C14orf93: variants seen among roughly 807,000 people sequenced by gnomAD.
C14orf93 encodes chromosome 14 open reading frame 93.
In C14orf93, 23 loss-of-function variants were observed where a neutral mutation model predicts 44.0. That is an observed-to-expected ratio of 0.52 (90% CI 0.38 to 0.74). The LOEUF (loss-of-function observed/expected upper bound fraction) is 0.74. C14orf93 is among the 30% of genes least tolerant of loss of function. The probability of loss-of-function intolerance (pLI) is 0.00; values close to 1 mark genes in which losing one functional copy is unlikely to be tolerated. For missense variants in C14orf93, 579 were observed against 678.9 expected, an observed-to-expected ratio of 0.85 and a Z score of 1.64; for synonymous variants, 253 against 265.7, an observed-to-expected ratio of 0.95 and a Z score of 0.46.
chr14:22,996,555 A>T lies in C14orf93; in HGVS notation c.598-287T>A, dbSNP rs2045984517. On this transcript the variant is annotated intron_variant, in intron 2 of 6. Transcript: ENST00000299088. The surrounding 1 kb of genome is among the most constrained non-coding windows in gnomAD (Gnocchi z 4.1). ...ATAGTCATTTATGGATAGCTCTTGG[A>T]TATAAGAAATGGAGCTAGATAAGTG... Among the ~76,000 whole-genome samples the T allele has an allele frequency of 6.6e-6, 1 of 152,204 alleles. No homozygotes were observed. Among genetic ancestry groups the T allele is most frequent in the Admixed American group, 6.5e-5 (1 of 15,278 alleles).
At chr14:22,991,534 C>T (rs906930693) in intron 3 of C14orf93, among the ~76,000 whole-genome samples, 1 of 151,372 alleles carries the variant, frequency 6.6e-6, no homozygotes, top group African/African-American at 2.4e-5. Flanking sequence ...TGTGAGCCAC[C>T]GCACCGGGCC....
In C14orf93 at chr14:22,987,572, A is replaced by C; in HGVS notation, c.1260T>G (p.Asn420Lys). The change falls in exon 7 of 7, where the codon AAT (asparagine) becomes AAG (lysine). Residue 420 changes from asparagine (N) to lysine (K), a missense_variant. Asn to Lys is a moderately conservative substitution (Grantham distance 94, BLOSUM62 0). Transcript: ENST00000299088. This position sits in a 1 kb window ranked among gnomAD's most constrained non-coding sequence, Gnocchi z 5.6. Reference sequence around the variant, plus strand: ...CTGACATCAGTTCCTCTGTCACATCATTCCACAGACGTTGGTCCTCAGGTC... The same window carrying C: ...CTGACATCAGTTCCTCTGTCACATCCTTCCACAGACGTTGGTCCTCAGGTC... Reference protein sequence around the residue: ...HFGPEDQRLWNDVTEELMSDE... With the variant: ...HFGPEDQRLWKDVTEELMSDE... The C allele has an allele frequency of 6.2e-7, 1 of 1,613,830 alleles. No homozygotes were observed. Among genetic ancestry groups the C allele is most frequent in the Non-Finnish European group, 8.5e-7 (1 of 1,179,816 alleles).
intron 5 of C14orf93, among the ~76,000 whole-genome samples, chr14:22,989,302 C>G (rs1355537031): frequency 6.6e-6 from 1 of 152,118 alleles, no homozygotes; most frequent in Admixed American, 6.6e-5. Context: ...TCTACAAGTA[C>G]TTTTTCAGCA....
chr14:22,994,877 A>T (rs368753916), intron 3 of C14orf93, among the ~76,000 whole-genome samples: 53 of 152,198 alleles, frequency 3.5e-4, no homozygotes, highest in African/African-American at 1.2e-3. Flanking sequence ...GCACTGCAGG[A>T]TGTTTAGCAG....
At chr14:22,995,223 C>G (rs28401275) in intron 3 of C14orf93, among the ~76,000 whole-genome samples, 7,926 of 152,302 alleles carry the variant, frequency 0.052, 679 homozygotes, top group African/African-American at 0.18. Flanking sequence ...CTCTGCATCT[C>G]TGAAGCTTGA....
chr14:22,988,297 C>G (rs2045367170), intron 5 of C14orf93, among the ~76,000 whole-genome samples: 1 of 152,042 alleles, frequency 6.6e-6, no homozygotes, highest in Non-Finnish European at 1.5e-5. Flanking sequence ...CCACATCCAG[C>G]TCTTTTTAGT....
Position 22,986,434 on chromosome 14 carries a change from A to C in C14orf93, c.*781T>G, listed in dbSNP as rs1009278213. 2 of 152,318 alleles carry C rather than the reference A, an allele frequency of 1.3e-5. No individual in the cohort carries two copies. Among genetic ancestry groups the C allele is most frequent in the Non-Finnish European group, 2.9e-5 (2 of 68,132 alleles). 9.4% of individuals were successfully genotyped at this position (152,318 alleles called of 1,614,324 possible). On this transcript the variant is annotated 3_prime_UTR_variant, in exon 7 of 7. Transcript: ENST00000299088. The stretch of plus-strand genomic sequence containing the variant: ...TCAATGTTTGTTATAAGACTGAATA[A>C]ATGTAAAGCCATTTTTGCTTTTCAA...
At chr14:23,003,255 C>A (rs2046399525) in intron 1 of C14orf93, among the ~76,000 whole-genome samples, 1 of 152,182 alleles carries the variant, frequency 6.6e-6, no homozygotes, top group Non-Finnish European at 1.5e-5. Flanking sequence ...ACAGTGTGGT[C>A]TAGCACAATG....
rs548184242 is a variant in C14orf93, at chr14:22,990,657, C to T, written c.919-530G>A. ...GCTAATTTTTGTATTTTTGTAGAGACGGGGTTTCACCATGTTGGCCAGGCT... is the reference window on the plus strand; with the variant it reads ...GCTAATTTTTGTATTTTTGTAGAGATGGGGTTTCACCATGTTGGCCAGGCT... On this transcript the variant is annotated intron_variant, in intron 3 of 6. Transcript: ENST00000299088. 2.6e-5 allele frequency among the ~76,000 whole-genome samples: 4 copies of T among 151,746 alleles called. No homozygotes were observed. In the East Asian group the frequency reaches 5.8e-4, roughly 22 times the overall value.
At chr14:22,997,414 T>C (rs2046050671) in intron 2 of C14orf93, among the ~76,000 whole-genome samples, 1 of 152,066 alleles carries the variant, frequency 6.6e-6, no homozygotes, top group Admixed American at 6.6e-5. Flanking sequence ...GGTGTCTATG[T>C]CTTGTTGTGG....
chr14:22,987,358 G>A lies in C14orf93; in HGVS notation c.1474C>T (p.Leu492Phe). ...SAEAQLLPPE[L>F]YNPNFQEEED... ...TCTTCTTGGAAATTAGGATTGTAAAGTTCTGGTGGAAGGAGCTGGGCTTCA... is the reference window on the plus strand; with the variant it reads ...TCTTCTTGGAAATTAGGATTGTAAAATTCTGGTGGAAGGAGCTGGGCTTCA... The change falls in exon 7 of 7, where the codon CTT (leucine) becomes TTT (phenylalanine). Residue 492 changes from leucine (L) to phenylalanine (F), a missense_variant. By Grantham distance (22) the Leu-to-Phe change is conservative. Coordinates refer to ENST00000299088, the MANE Select transcript of C14orf93 (RefSeq NM_021944.4). The surrounding 1 kb of genome is among the most constrained non-coding windows in gnomAD (Gnocchi z 5.6). 1 of 1,614,252 alleles carries A rather than the reference G, an allele frequency of 6.2e-7. No individual in the cohort carries two copies. The highest frequency in any genetic ancestry group is 1.1e-5 in the South Asian group (1 of 91,088).
chr14:23,002,124 G>C (rs60483900), intron 1 of C14orf93, among the ~76,000 whole-genome samples: 1 of 149,530 alleles, frequency 6.7e-6, no homozygotes, highest in Non-Finnish European at 1.5e-5. Context: ...ACTCCAGCCT[G>C]GGCGACAGAG....
intron 2 of C14orf93, among the ~76,000 whole-genome samples, chr14:22,997,725 CTA>C (rs1230111978): frequency 1.3e-5 from 2 of 152,018 alleles, no homozygotes; most frequent in African/African-American, 2.4e-5. Context: ...CTCTTTCTCC[CTA>C]TATGTTATTC....
rs751635736 is a variant in C14orf93 at position 22,996,042 on chromosome 14, T to G, written c.824A>C (p.Glu275Ala). The G allele has an allele frequency of 6.2e-7, 1 of 1,614,048 alleles. No individual in the cohort carries two copies. The highest frequency in any genetic ancestry group is 8.5e-7 in the Non-Finnish European group (1 of 1,179,994). ...GGTCAGCCCTAGAGAGTGTCTCAGC[T>G]CCCCAGTGCTCCCAGGGCCTGACTC... ...LEESGPGSTG[E>A]LRHSLGLTVS... Residue 275 changes from glutamate to alanine, a missense_variant, in exon 3 of 7, where the codon GAG becomes GCG. Transcript: ENST00000299088. The surrounding 1 kb of genome is among the most constrained non-coding windows in gnomAD (Gnocchi z 4.1).
intron 1 of C14orf93, among the ~76,000 whole-genome samples, chr14:23,001,393 A>G (rs1359272907): frequency 6.6e-6 from 1 of 152,064 alleles, no homozygotes; most frequent in African/African-American, 2.4e-5. Flanking sequence ...TCACGCACTT[A>G]CTCTTTCTTG....
At position 22,998,472 on chromosome 14, in the gene C14orf93, T is replaced by C; in HGVS notation, c.552A>G (p.Pro184=). ...CCTCGCTGGCAGCCAGCGTGCACCCTGGGAGCCGCATGTCCCTCTGAGTTG... is the reference window on the plus strand; with the variant it reads ...CCTCGCTGGCAGCCAGCGTGCACCCCGGGAGCCGCATGTCCCTCTGAGTTG... The part of the protein sequence containing the change: ...FPATQRDMRL[P]GCTLAASEAA... Residue 184 remains proline (P), a synonymous_variant, in exon 2 of 7, where the codon CCA becomes CCG. Transcript: ENST00000299088. 1 of 1,608,636 alleles carries C rather than the reference T, an allele frequency of 6.2e-7. No homozygotes were observed. The highest frequency in any genetic ancestry group is 8.5e-7 in the Non-Finnish European group (1 of 1,177,666).
intron 1 of C14orf93, chr14:23,006,495 C>T (rs1472406025): frequency 4.6e-5 from 7 of 152,126 alleles, no homozygotes; most frequent in Admixed American, 4.6e-4. Flanking sequence ...GAATTTTTAG[C>T]CCAGTATAGC....
chr14:22,992,738 C>T lies in C14orf93; in HGVS notation c.919-2611G>A, dbSNP rs541668715. Among the ~76,000 whole-genome samples the T allele has an allele frequency of 3.3e-5, 5 of 151,960 alleles. No individual in the cohort carries two copies. The East Asian group carries it at 7.8e-4, about 24-fold the overall frequency. ...TAGCTGGGATTACAGGAATGCACCACCATTCCCAGCTAATTTTTGTATTTT... is the reference window on the plus strand; with the variant it reads ...TAGCTGGGATTACAGGAATGCACCATCATTCCCAGCTAATTTTTGTATTTT... On this transcript the variant is annotated intron_variant, in intron 3 of 6. Coordinates refer to ENST00000299088, the MANE Select transcript of C14orf93 (RefSeq NM_021944.4).
rs887721797 is a variant in C14orf93 at position 22,987,796 on chromosome 14, A to G, written c.1197+107T>C. 4.1e-6 allele frequency: 5 copies of G among 1,225,808 alleles called. No homozygotes were observed. Among genetic ancestry groups the G allele is most frequent in the African/African-American group, 1.5e-5 (1 of 66,064 alleles). 75.9% of individuals were successfully genotyped at this position (1,225,808 alleles called of 1,614,324 possible). A position where few individuals can be genotyped will look rare whatever the true frequency, so the allele number is the denominator to read the frequency against. On this transcript the variant is annotated intron_variant, in intron 6 of 6. Transcript: ENST00000299088. This position sits in a 1 kb window ranked among gnomAD's most constrained non-coding sequence, Gnocchi z 5.6. The stretch of plus-strand genomic sequence containing the variant: ...GCTCACTGTTCTTCTCTATCTTCCT[A>G]CATTCCTGGCTCTCAACCCTATTCT...
Sources: allele counts gnomAD v4.1 joint callset (sites outside exome capture counted in the v4.1 genomes callset), GRCh38; gene constraint gnomAD v4.1.1; non-coding constraint Gnocchi (gnomAD v3.1); transcripts MANE v1.5; gene names NCBI Gene and HGNC (gene_info 2026-07-23, HGNC 2026-07-21).